The following CCDC12 variants were observed in gnomAD, a reference collection of about 807,000 sequenced individuals.
CCDC12 encodes coiled-coil domain containing 12.
Under a neutral mutation model 25.7 loss-of-function variants are expected in CCDC12, and 28 were observed. That is an observed-to-expected ratio of 1.09 (90% CI 0.81 to 1.50). The LOEUF (loss-of-function observed/expected upper bound fraction) is 1.50. Ranked by LOEUF, CCDC12 falls within the 40% of genes most tolerant of loss-of-function variation. The pLI is 0.00. For synonymous variants in CCDC12, 75 were observed against 87.7 expected (o/e 0.86, Z 0.81); for missense variants, 198 against 210.0 (o/e 0.94, Z 0.35).
At chr3:46,927,569 G>A (rs1445135460) in intron 2 of CCDC12, among the ~76,000 whole-genome samples, 1 of 152,136 alleles carries the variant, frequency 6.6e-6, no homozygotes, top group Non-Finnish European at 1.5e-5. Context: ...GCAAGAGGCG[G>A]GAGCAGAGCC....
chr3:46,941,557 T>C (rs2033709795), intron 1 of CCDC12, among the ~76,000 whole-genome samples: 2 of 86,456 alleles, frequency 2.3e-5, no homozygotes, highest in East Asian at 3.4e-4. Flanking sequence ...AGAGCGAGAC[T>C]CCATCTCAAA....
intron 1 of CCDC12, among the ~76,000 whole-genome samples, chr3:46,960,170 C>A (rs2034420020): frequency 6.6e-6 from 1 of 152,060 alleles, no homozygotes; most frequent in South Asian, 2.1e-4. Flanking sequence ...AGGGCCCCAG[C>A]CTGACCGTGC....
upstream of CCDC12, chr3:46,980,029 G>A (rs1374700645): frequency 4.4e-4 from 1 of 2,272 alleles, no homozygotes; most frequent in South Asian, 0.1. Flanking sequence ...CGCGCGCGCG[G>A]GCGCGCGCGC....
chr3:46,980,168 G>A (rs1410766934), upstream of CCDC12, among the ~76,000 whole-genome samples: 1 of 152,208 alleles, frequency 6.6e-6, no homozygotes, highest in East Asian at 1.9e-4. Flanking sequence ...GAGCAGGACC[G>A]TGCAGCCTGA....
chr3:46,965,380 G>GT (rs1312658277), intron 1 of CCDC12, among the ~76,000 whole-genome samples: 2 of 152,194 alleles, frequency 1.3e-5, no homozygotes, highest in Admixed American at 1.3e-4. Context: ...GAGGAACCTT[G>GT]TCTTGTGGCT....
intron 1 of CCDC12, chr3:46,981,844 G>A (rs1342653055): frequency 6.6e-6 from 1 of 152,306 alleles, no homozygotes; most frequent in Non-Finnish European, 1.5e-5. Context: ...CCATCTAGCT[G>A]AGCTCTGTAC....
chr3:46,942,925 C>T (rs2033766216), intron 1 of CCDC12, among the ~76,000 whole-genome samples: 1 of 151,878 alleles, frequency 6.6e-6, no homozygotes, highest in Non-Finnish European at 1.5e-5. Flanking sequence ...TGAACAAAGG[C>T]AGGGTGTGGT....
intron 2 of CCDC12, among the ~76,000 whole-genome samples, chr3:46,933,115 A>G (rs2033297184): frequency 6.6e-6 from 1 of 152,144 alleles, no homozygotes; most frequent in African/African-American, 2.4e-5. Flanking sequence ...TGAGTGCTCA[A>G]GTGTTCCTCA....
chr3:46,971,962 A>T (rs7633698), intron 1 of CCDC12, among the ~76,000 whole-genome samples: 74,860 of 151,986 alleles, frequency 0.49, 19,882 homozygotes, highest in Non-Finnish European at 0.58. Context: ...CTTCCTCACC[A>T]GACTCCCCAC....
intron 2 of CCDC12, among the ~76,000 whole-genome samples, chr3:46,929,376 T>A (rs947738566): frequency 1.3e-5 from 2 of 152,088 alleles, no homozygotes; most frequent in African/African-American, 4.8e-5. Flanking sequence ...ACAAAGCAGG[T>A]CCAGGCTGCT....
At chr3:46,963,424 CTCTCCCTCTCCTCACGG>C (rs1202267902) in intron 1 of CCDC12, among the ~76,000 whole-genome samples, 8 of 132,810 alleles carry the variant, frequency 6.0e-5, no homozygotes, top group African/African-American at 2.8e-4. Flanking sequence ...CACGGTCTCC[CTCTCCCTCTCCTCACGG>C]TCTCCCTCTC....
intron 2 of CCDC12, among the ~76,000 whole-genome samples, chr3:46,939,798 C>T (rs1247159043): frequency 2.6e-5 from 4 of 152,142 alleles, no homozygotes; most frequent in Admixed American, 6.5e-5. Context: ...TGTGATTGCT[C>T]CTGATTACAA....
At chr3:46,976,419 C>A in intron 1 of CCDC12, 1 of 1,420,928 alleles carries the variant, frequency 7.0e-7, no homozygotes, top group Non-Finnish European at 9.2e-7. Context: ...TTGCCCACCC[C>A]CGCGCATGCG....
intron 2 of CCDC12, among the ~76,000 whole-genome samples, chr3:46,937,541 T>C (rs1052190485): frequency 7.9e-5 from 12 of 152,172 alleles, no homozygotes; most frequent in African/African-American, 2.2e-4. Context: ...TCAGGGGTCA[T>C]CTCTCCAATG....
intron 1 of CCDC12, among the ~76,000 whole-genome samples, chr3:46,943,531 G>C (rs1026988391): frequency 2.0e-5 from 3 of 152,154 alleles, no homozygotes; most frequent in Admixed American, 6.5e-5. Context: ...CTGTTAACCC[G>C]AACCACCTGG....
upstream of CCDC12, chr3:46,977,188 C>T (rs2035024366): frequency 1.2e-5 from 2 of 163,224 alleles, no homozygotes; most frequent in South Asian, 2.8e-4. Context: ...AAGAAACCTT[C>T]CCTGGGCCGG....
chr3:46,931,909 C>T (rs1293933913), intron 2 of CCDC12, among the ~76,000 whole-genome samples: 1 of 152,186 alleles, frequency 6.6e-6, no homozygotes, highest in African/African-American at 2.4e-5. Flanking sequence ...GCCAGGAAAA[C>T]ACACTCATGA....
upstream of CCDC12, chr3:46,976,969 A>AC: frequency 1.4e-5 from 6 of 418,770 alleles, no homozygotes; most frequent in South Asian, 3.5e-5. Context: ...AAAAAAAAAA[A>AC]GAAAAAAAAA....
chr3:46,957,839 A>G (rs533460084), intron 1 of CCDC12, among the ~76,000 whole-genome samples: 18 of 152,202 alleles, frequency 1.2e-4, no homozygotes, highest in Non-Finnish European at 1.9e-4. Flanking sequence ...GCTTCTCGGG[A>G]GGCTGAGGCA....
Sources: gnomAD v4.1 joint callset for allele counts (sites outside exome capture counted in the v4.1 genomes callset) on GRCh38, gnomAD v4.1.1 for gene constraint, MANE v1.5 for transcripts, NCBI Gene and HGNC (gene_info 2026-07-23, HGNC 2026-07-21) for gene names.